GPR39: variants seen among roughly 807,000 people sequenced by gnomAD.
GPR39 encodes G protein-coupled receptor 39.
Under a neutral mutation model 18.4 loss-of-function variants are expected in GPR39, and 23 were observed. The ratio of observed to expected loss-of-function variants is 1.25; its 90% CI spans 0.90 to 1.77. The LOEUF is 1.77. GPR39 is among the 40% of genes most tolerant of loss of function. The pLI, the probability that GPR39 is intolerant of heterozygous loss-of-function variation, is 0.00. For synonymous variants in GPR39, 280 were observed against 257.9 expected (o/e 1.09, Z -0.82); for missense variants, 647 against 602.4 (o/e 1.07, Z -0.78).
chr2:132,446,560 C>T (rs1219423878), intron 1 of GPR39, among the ~76,000 whole-genome samples: 6 of 152,244 alleles, frequency 3.9e-5, no homozygotes, highest in African/African-American at 1.2e-4. Flanking sequence ...CTTGGTGACG[C>T]TAGAATTCCT....
intron 1 of GPR39, among the ~76,000 whole-genome samples, chr2:132,421,451 TACAG>T (rs1214339611): frequency 1.3e-5 from 2 of 152,078 alleles, no homozygotes; most frequent in African/African-American, 4.8e-5. Context: ...AAAAAGATTT[TACAG>T]ACAGTCATGA....
chr2:132,573,565 G>C (rs913913659), intron 1 of GPR39, among the ~76,000 whole-genome samples: 1 of 152,180 alleles, frequency 6.6e-6, no homozygotes, highest in African/African-American at 2.4e-5. Flanking sequence ...CATTGAGACA[G>C]ACATGGGAGC....
chr2:132,560,302 C>T (rs1004578556), intron 1 of GPR39, among the ~76,000 whole-genome samples: 15 of 152,120 alleles, frequency 9.9e-5, no homozygotes, highest in African/African-American at 3.6e-4. Flanking sequence ...TTGCCTTTCC[C>T]ACCTCTTTTT....
intron 1 of GPR39, among the ~76,000 whole-genome samples, chr2:132,605,872 T>C (rs111485044): frequency 4.5e-4 from 69 of 152,262 alleles, no homozygotes; most frequent in African/African-American, 1.6e-3. Flanking sequence ...TAGAGTTAAA[T>C]TGAGATGCTG....
chr2:132,545,655 C>CGTGTGT (rs35108024), intron 1 of GPR39, among the ~76,000 whole-genome samples: 1,520 of 149,828 alleles, frequency 0.01, 15 homozygotes, highest in South Asian at 0.046. Context: ...GTGTGATGGG[C>CGTGTGT]GTGTGTGTGT....
chr2:132,497,103 T>A (rs2104800697), intron 1 of GPR39, among the ~76,000 whole-genome samples: 1 of 152,332 alleles, frequency 6.6e-6, no homozygotes, highest in East Asian at 1.9e-4. Flanking sequence ...CTGCTGAGAT[T>A]TTCCAGAGGA....
At chr2:132,537,966 T>TAGCTTC in intron 1 of GPR39, among the ~76,000 whole-genome samples, 1 of 152,248 alleles carries the variant, frequency 6.6e-6, no homozygotes, top group South Asian at 2.1e-4. Flanking sequence ...TTAAAATTCT[T>TAGCTTC]AGCTTCTTTG....
rs72983678 is a variant in GPR39 at position 132,576,755 on chromosome 2, T to C, written c.857-68346T>C. On this transcript the variant is annotated intron_variant, in intron 1 of 1. Transcript: ENST00000329321. The stretch of plus-strand genomic sequence containing the variant: ...ACAGAAATTTAGTTTTATATGCAAG[T>C]CTGTGATCCATTTTGAGTTAATTTC... 6.6e-3 allele frequency among the ~76,000 whole-genome samples: 1,000 copies of C among 152,314 alleles called. 9 individuals carry two copies. The highest frequency in any genetic ancestry group is 0.023 in the African/African-American group (941 of 41,570).
intron 1 of GPR39, among the ~76,000 whole-genome samples, chr2:132,489,975 T>C (rs978307616): frequency 6.6e-6 from 1 of 151,800 alleles, no homozygotes; most frequent in African/African-American, 2.4e-5. Flanking sequence ...AGAGAGTTTA[T>C]GGTGAGCAGA....
At chr2:132,560,425 C>A (rs113553249) in intron 1 of GPR39, among the ~76,000 whole-genome samples, 1 of 152,336 alleles carries the variant, frequency 6.6e-6, no homozygotes, top group African/African-American at 2.4e-5. Flanking sequence ...CATCCTCACA[C>A]CCTGATTGCA....
chr2:132,475,995 T>A (rs1558809445), intron 1 of GPR39, among the ~76,000 whole-genome samples: 1 of 152,328 alleles, frequency 6.6e-6, no homozygotes, highest in East Asian at 1.9e-4. Context: ...CTTGACTAAT[T>A]GTGATGTCAC....
intron 1 of GPR39, among the ~76,000 whole-genome samples, chr2:132,617,021 C>T (rs1681348349): frequency 6.6e-6 from 1 of 152,200 alleles, no homozygotes; most frequent in Non-Finnish European, 1.5e-5. Context: ...GTAGCACAGT[C>T]AAACAGTGCA....
chr2:132,533,940 T>C (rs1025340817), intron 1 of GPR39, among the ~76,000 whole-genome samples: 2 of 152,192 alleles, frequency 1.3e-5, no homozygotes, highest in African/African-American at 4.8e-5. Flanking sequence ...GGGCAAGGAC[T>C]TCATGTCTAA....
chr2:132,645,056 T>C (rs1131667), intron 1 of GPR39, 45 bp from the exon 2 acceptor site: 3 of 1,571,634 alleles, frequency 1.9e-6, no homozygotes, highest in East Asian at 2.2e-5. Context: ...TCTCATGCTG[T>C]GTTTTTCTTT....
intron 1 of GPR39, among the ~76,000 whole-genome samples, chr2:132,626,424 C>T (rs1203545424): frequency 6.6e-6 from 1 of 152,174 alleles, no homozygotes; most frequent in African/African-American, 2.4e-5. Flanking sequence ...TAAGGCTGCA[C>T]TACAGTGTCC....
chr2:132,424,009 T>G (rs925430539), intron 1 of GPR39, among the ~76,000 whole-genome samples: 2 of 152,214 alleles, frequency 1.3e-5, no homozygotes, highest in Non-Finnish European at 2.9e-5. Flanking sequence ...GAACCAAAGA[T>G]GCTATCTTTG....
intron 1 of GPR39, among the ~76,000 whole-genome samples, chr2:132,631,760 TCAGCCTATGATGAGTGAGA>T (rs1296631231): frequency 6.6e-6 from 1 of 151,996 alleles, no homozygotes; most frequent in Admixed American, 6.6e-5. Context: ...AGGGGCGGAG[TCAGCCTATGATGAGTGAGA>T]ACAGTCTTTG....
chr2:132,628,815 G>T (rs996003983), intron 1 of GPR39, among the ~76,000 whole-genome samples: 1 of 151,986 alleles, frequency 6.6e-6, no homozygotes, highest in Non-Finnish European at 1.5e-5. Flanking sequence ...CCACAATTGA[G>T]GATAAGACCT....
chr2:132,586,812 G>A (rs1481818219), intron 1 of GPR39, among the ~76,000 whole-genome samples: 2 of 152,190 alleles, frequency 1.3e-5, no homozygotes, highest in African/African-American at 2.4e-5. Context: ...TGGGATTCTC[G>A]ATGTCTTTCT....
Sources: allele counts gnomAD v4.1 joint callset (sites outside exome capture counted in the v4.1 genomes callset), GRCh38; gene constraint gnomAD v4.1.1; transcripts MANE v1.5; gene names NCBI Gene and HGNC (gene_info 2026-07-23, HGNC 2026-07-21).